Variants in DHRSX observed in about 807,000 individuals in gnomAD.
The protein encoded by DHRSX is dehydrogenase/reductase X-linked.
In DHRSX, 31 loss-of-function variants were observed where a neutral mutation model predicts 34.0. The observed-to-expected ratio is 0.91, with a 90% CI of 0.69 to 1.23. The LOEUF is 1.23. Ranked by LOEUF, DHRSX falls within the 50% of genes most tolerant of loss-of-function variation. The pLI, the probability that DHRSX is intolerant of heterozygous loss-of-function variation, is 0.00. For missense variants in DHRSX, 414 were observed against 428.1 expected (o/e 0.97, Z 0.29); for synonymous variants, 201 against 183.8 (o/e 1.09, Z -0.76).
In DHRSX at chrX:2,459,550, GTA is replaced by G. The variant is rs57748851; in HGVS notation, c.110-34248_110-34247del. 3.0e-3 allele frequency among the ~76,000 whole-genome samples: 409 copies of G among 137,786 alleles called. 2 individuals carry two copies. The highest frequency in any genetic ancestry group is 7.5e-3 in the South Asian group (32 of 4,278). The allele number at this position is 137,786 out of a possible 152,430, so 90.4% of individuals were successfully genotyped here. A position where few individuals can be genotyped will look rare whatever the true frequency, so the allele number is the denominator to read the frequency against. ...AGAGAGAGAGAATGTGTGTCTGTGT[GTA>G]TATATATATATATATATATATATAT... On this transcript the variant is annotated intron_variant, in intron 1 of 6. Coordinates refer to ENST00000334651, the MANE Select transcript of DHRSX (RefSeq NM_145177.3).
rs184131671 is a variant in DHRSX at position 2,484,564 on chromosome X, C to T, written c.109+16253G>A. On this transcript the variant is annotated intron_variant, in intron 1 of 6. Coordinates refer to ENST00000334651, the MANE Select transcript of DHRSX (RefSeq NM_145177.3). ...ACGAGCCAAACCCTGCTGTTTTCGT[C>T]GTCTGAAGAAATGAGCAAAACACTG... Among the ~76,000 whole-genome samples, 6 of 152,242 alleles carry T rather than the reference C, an allele frequency of 3.9e-5. No homozygotes were observed. In the East Asian group the frequency reaches 9.7e-4, roughly 25 times the overall value.
At chrX:2,246,469 A>G (rs188169617) in intron 5 of DHRSX, among the ~76,000 whole-genome samples, 2 of 151,978 alleles carry the variant, frequency 1.3e-5, no homozygotes, top group Admixed American at 1.3e-4. Flanking sequence ...TAAAAATACA[A>G]AAAATTAGCT....
chrX:2,344,658 G>C (rs1215323936), intron 3 of DHRSX, among the ~76,000 whole-genome samples: 1 of 151,688 alleles, frequency 6.6e-6, no homozygotes, highest in East Asian at 1.9e-4. Flanking sequence ...AGTGAGAGTT[G>C]AACAATGAGA....
intron 5 of DHRSX, among the ~76,000 whole-genome samples, chrX:2,259,458 T>A (rs2041333756): frequency 1.3e-5 from 2 of 150,658 alleles, no homozygotes; most frequent in African/African-American, 4.9e-5. Flanking sequence ...TACAAATAAA[T>A]AAACAAAAAA....
chrX:2,331,694 C>T (rs1262494953), intron 3 of DHRSX, among the ~76,000 whole-genome samples: 2 of 152,014 alleles, frequency 1.3e-5, no homozygotes, highest in Non-Finnish European at 2.9e-5. Flanking sequence ...AGGTGATCCA[C>T]CTGCCTTGGC....
chrX:2,289,540 CCATGT>C (rs2041843070), intron 4 of DHRSX, among the ~76,000 whole-genome samples: 1 of 152,140 alleles, frequency 6.6e-6, no homozygotes, highest in Non-Finnish European at 1.5e-5. Flanking sequence ...TGCAAGGGCA[CCATGT>C]CATGTATGTA....
chrX:2,366,941 C>T (rs2043000659), intron 3 of DHRSX, among the ~76,000 whole-genome samples: 1 of 151,918 alleles, frequency 6.6e-6, no homozygotes. Context: ...GGAATAAAAC[C>T]CAGCCCCCTG....
At chrX:2,260,173 T>C (rs2041344106) in intron 5 of DHRSX, among the ~76,000 whole-genome samples, 1 of 151,972 alleles carries the variant, frequency 6.6e-6, no homozygotes, top group Non-Finnish European at 1.5e-5. Context: ...TCTGTCTCTT[T>C]CCAAGAACAC....
rs144082460 is a variant in DHRSX at position 2,241,508 on chromosome X, C to A, written c.804+1515G>T. Reference sequence around the variant, plus strand: ...CTTCCCTGAGTTTCTGAACCCACATCGCGGAGGAAAGACTGATGTCTGTCA... The same window carrying A: ...CTTCCCTGAGTTTCTGAACCCACATAGCGGAGGAAAGACTGATGTCTGTCA... On this transcript the variant is annotated intron_variant, in intron 6 of 6. Transcript: ENST00000334651. 1.7e-3 allele frequency among the ~76,000 whole-genome samples: 253 copies of A among 152,184 alleles called. 5 individuals are homozygous for A. In the East Asian group the frequency reaches 0.043, roughly 26 times the overall value.
At chrX:2,232,033 C>CCTCCTCCCTT (rs374747047) in intron 6 of DHRSX, among the ~76,000 whole-genome samples, 3 of 145,120 alleles carry the variant, frequency 2.1e-5, no homozygotes, top group African/African-American at 2.6e-5. Context: ...TCTTCCTTCT[C>CCTCCTCCCTT]CTCCTTTTTC....
chrX:2,364,898 A>T, intron 3 of DHRSX, among the ~76,000 whole-genome samples: 1 of 152,118 alleles, frequency 6.6e-6, no homozygotes, highest in East Asian at 1.9e-4. Flanking sequence ...CTATCTAGCT[A>T]TTATCTATCT....
intron 3 of DHRSX, among the ~76,000 whole-genome samples, chrX:2,376,861 G>T (rs1425063457): frequency 6.6e-6 from 1 of 152,034 alleles, no homozygotes; most frequent in East Asian, 1.9e-4. Flanking sequence ...GGGCACGGTG[G>T]TGCACACCTG....
At chrX:2,480,761 T>C (rs2044756675) in intron 1 of DHRSX, among the ~76,000 whole-genome samples, 1 of 152,086 alleles carries the variant, frequency 6.6e-6, no homozygotes, top group Admixed American at 6.6e-5. Context: ...GAGGCTGCCA[T>C]GAGCTATGAA....
intron 2 of DHRSX, among the ~76,000 whole-genome samples, chrX:2,411,041 AG>A (rs1276447676): frequency 2.0e-5 from 3 of 152,210 alleles, no homozygotes; most frequent in Non-Finnish European, 2.9e-5. Flanking sequence ...AGGGAGAGGA[AG>A]AAATAGCCTG....
chrX:2,324,712 A>G (rs890431902), intron 3 of DHRSX, among the ~76,000 whole-genome samples: 1 of 151,670 alleles, frequency 6.6e-6, no homozygotes, highest in Non-Finnish European at 1.5e-5. Context: ...AGTTAAGAAG[A>G]AATCACTTAG....
intron 3 of DHRSX, among the ~76,000 whole-genome samples, chrX:2,360,327 G>A (rs1400617085): frequency 6.6e-6 from 1 of 152,216 alleles, no homozygotes; most frequent in Non-Finnish European, 1.5e-5. Flanking sequence ...GCTCACGCCT[G>A]TAATCCCAGC....
chrX:2,370,557 C>T (rs141144125), intron 3 of DHRSX, among the ~76,000 whole-genome samples: 2,350 of 148,706 alleles, frequency 0.016, 32 homozygotes, highest in Middle Eastern at 0.077. Context: ...AAGAATTCCC[C>T]ACTGCCTTTG....
chrX:2,220,255 C>A lies in DHRSX; in HGVS notation c.*786G>T, dbSNP rs1291709447. 6.6e-6 allele frequency: 1 copy of A among 152,156 alleles called. No individual in the cohort carries two copies. Among genetic ancestry groups the A allele is most frequent in the South Asian group, 2.1e-4 (1 of 4,820 alleles). 9.4% of individuals were successfully genotyped at this position (152,156 alleles called of 1,614,324 possible). ...TCTTCTGTACTCAAATCTCCCTCTACCTGTCTCTGATAAGAACCCTCGTGA... is the reference window on the plus strand; with the variant it reads ...TCTTCTGTACTCAAATCTCCCTCTAACTGTCTCTGATAAGAACCCTCGTGA... On this transcript the variant is annotated 3_prime_UTR_variant, in exon 7 of 7. Transcript: ENST00000334651.
chrX:2,466,527 G>A (rs1463713290), intron 1 of DHRSX, among the ~76,000 whole-genome samples: 2 of 152,112 alleles, frequency 1.3e-5, no homozygotes, highest in Non-Finnish European at 2.9e-5. Flanking sequence ...GCAAACTCAC[G>A]TAGGAAAAGA....
Sources: gnomAD v4.1 joint callset for allele counts (sites outside exome capture counted in the v4.1 genomes callset) on GRCh38, gnomAD v4.1.1 for gene constraint, MANE v1.5 for transcripts, NCBI Gene and HGNC (gene_info 2026-07-23, HGNC 2026-07-21) for gene names.